The following BRIP1 variants were observed in gnomAD, a reference collection of about 807,000 sequenced individuals.
BRIP1 encodes BRCA1 interacting DNA helicase 1.
In BRIP1, 88 loss-of-function variants were observed where a neutral mutation model predicts 119.7. That is an observed-to-expected ratio of 0.74 (90% CI 0.62 to 0.88). The LOEUF is 0.88. Among genes scored for constraint, BRIP1 ranks in the 40% least tolerant of loss-of-function variants. The pLI is 0.00. For missense variants in BRIP1, 1,259 were observed against 1,455.4 expected, an observed-to-expected ratio of 0.87 and a Z score of 2.20; for synonymous variants, 443 against 496.5, an observed-to-expected ratio of 0.89 and a Z score of 1.43.
chr17:61,818,140 C>T (rs1385752136), intron 6 of BRIP1, among the ~76,000 whole-genome samples: 1 of 124,226 alleles, frequency 8.0e-6, no homozygotes, highest in South Asian at 2.5e-4. Flanking sequence ...ATCACTTGTG[C>T]TTGGGAGTTC....
rs1163303054 is a variant in BRIP1 at position 61,861,850 on chromosome 17, C to A, written c.-30-281G>T. Reference sequence around the variant, plus strand: ...CTCTAAGCCACAGTGACTGCATGTACCCCATAGGATTGTGGTAATGATTAA... The same window carrying A: ...CTCTAAGCCACAGTGACTGCATGTAACCCATAGGATTGTGGTAATGATTAA... On this transcript the variant is annotated intron_variant, in intron 1 of 19. Transcript: ENST00000259008. The surrounding 1 kb of genome is among the most constrained non-coding windows in gnomAD (Gnocchi z 4.5). The A allele has an allele frequency of 6.6e-6, 3 of 455,460 alleles. No individual in the cohort carries two copies. The highest frequency in any genetic ancestry group is 1.2e-5 in the Non-Finnish European group (3 of 247,862). The allele number at this position is 455,460 out of a possible 1,614,324, so 28.2% of individuals were successfully genotyped here. A position where few individuals can be genotyped will look rare whatever the true frequency, so the allele number is the denominator to read the frequency against.
In BRIP1 at chr17:61,704,670, A is replaced by G. The variant is rs562960099; in HGVS notation, c.2493-11158T>C. ...TGCTAGATAGCTATTCATGTTATCT[A>G]TTTCATCTTGGGTGAATTTTGGTAT... On this transcript the variant is annotated intron_variant, in intron 17 of 19. Transcript: ENST00000259008. This position sits in a 1 kb window ranked among gnomAD's most constrained non-coding sequence, Gnocchi z 5.7. Among the ~76,000 whole-genome samples, 64 of 152,218 alleles carry G rather than the reference A, an allele frequency of 4.2e-4. No homozygotes were observed. The highest frequency in any genetic ancestry group is 1.5e-3 in the African/African-American group (64 of 41,560).
chr17:61,776,686 G>A lies in BRIP1; in HGVS notation c.1936-124C>T. 5 of 1,062,830 alleles carry A rather than the reference G, an allele frequency of 4.7e-6. No individual in the cohort carries two copies. The allele number at this position is 1,062,830 out of a possible 1,614,324, so 65.8% of individuals were successfully genotyped here. A position where few individuals can be genotyped will look rare whatever the true frequency, so the allele number is the denominator to read the frequency against. On this transcript the variant is annotated intron_variant, in intron 13 of 19. Coordinates refer to ENST00000259008, the MANE Select transcript of BRIP1 (RefSeq NM_032043.3). The surrounding 1 kb of genome is among the most constrained non-coding windows in gnomAD (Gnocchi z 5.0). ...TTAACAATTTATTTTTAAATTGTCAGGGGGTTTTCTATTACCTTCAATTAA... is the reference window on the plus strand; with the variant it reads ...TTAACAATTTATTTTTAAATTGTCAAGGGGTTTTCTATTACCTTCAATTAA...
chr17:61,800,332 G>T (rs1477885682), intron 8 of BRIP1, among the ~76,000 whole-genome samples: 2 of 152,128 alleles, frequency 1.3e-5, no homozygotes, highest in Non-Finnish European at 2.9e-5. Flanking sequence ...TGGAAGAGTA[G>T]GAAATATATT....
chr17:61,819,500 T>A (rs764836482), intron 6 of BRIP1, among the ~76,000 whole-genome samples: 1 of 152,190 alleles, frequency 6.6e-6, no homozygotes, highest in Non-Finnish European at 1.5e-5. Flanking sequence ...AACAGATGAA[T>A]GAATGAAGAG....
rs1313581741 is a variant in BRIP1, at chr17:61,814,082, A to G, written c.628-5325T>C. ...AATAAAAAACACAAACTTTCAATTA[A>G]TAGACTCTTTAGAGCAAGAGTCAGC... On this transcript the variant is annotated intron_variant, in intron 6 of 19. Transcript: ENST00000259008. The surrounding 1 kb of genome is among the most constrained non-coding windows in gnomAD (Gnocchi z 4.9). 6.6e-6 allele frequency among the ~76,000 whole-genome samples: 1 copy of G among 152,144 alleles called. No homozygotes were observed. The highest frequency in any genetic ancestry group is 2.4e-5 in the African/African-American group (1 of 41,464).
chr17:61,808,890 G>C lies in BRIP1; in HGVS notation c.628-133C>G. On this transcript the variant is annotated intron_variant, in intron 6 of 19. Coordinates refer to ENST00000259008, the MANE Select transcript of BRIP1 (RefSeq NM_032043.3). The surrounding 1 kb of genome is among the most constrained non-coding windows in gnomAD (Gnocchi z 4.1). The stretch of plus-strand genomic sequence containing the variant: ...TAAAGAGAAATAACAAGAAATTATA[G>C]TATCTAAAACTTGCCATTAAAGAAA... 1 of 947,184 alleles carries C rather than the reference G, an allele frequency of 1.1e-6. No individual in the cohort carries two copies. 58.7% of individuals were successfully genotyped at this position (947,184 alleles called of 1,614,324 possible).
At chr17:61,694,174 C>T (rs1297636956) in intron 17 of BRIP1, among the ~76,000 whole-genome samples, 1 of 152,066 alleles carries the variant, frequency 6.6e-6, no homozygotes, top group Non-Finnish European at 1.5e-5. Flanking sequence ...ATAACCTATA[C>T]CACTTATCTA....
rs2076946402 is a variant in BRIP1 at position 61,738,413 on chromosome 17, T to A, written c.2379+4600A>T. On this transcript the variant is annotated intron_variant, in intron 16 of 19. Coordinates refer to ENST00000259008, the MANE Select transcript of BRIP1 (RefSeq NM_032043.3). This position sits in a 1 kb window ranked among gnomAD's most constrained non-coding sequence, Gnocchi z 4.2. Reference sequence around the variant, plus strand: ...TCTTGTGTCCACTCTACTTGTACCTTTTGGGAACCACTAGGGATAACCCTT... The same window carrying A: ...TCTTGTGTCCACTCTACTTGTACCTATTGGGAACCACTAGGGATAACCCTT... 3.3e-5 allele frequency among the ~76,000 whole-genome samples: 5 copies of A among 152,174 alleles called. No homozygotes were observed. The highest frequency in any genetic ancestry group is 3.3e-4 in the Admixed American group (5 of 15,266).
rs864622611 is a variant in BRIP1 at position 61,744,570 on chromosome 17, GTTCTT to G, written c.2114_2118del (p.Lys705ThrfsTer10). 1.9e-6 allele frequency: 3 copies of G among 1,613,288 alleles called. No individual in the cohort carries two copies. Among genetic ancestry groups the G allele is most frequent in the African/African-American group, 2.7e-5 (2 of 74,856 alleles). ...TGCCATAAACCAGTAGAGAGCCAAC[GTTCTT>G]TTAATTTTTCTAATAACTAAAGAGG... On this transcript the variant is annotated frameshift_variant, in exon 15 of 20. Transcript: ENST00000259008. LOFTEE classifies it high-confidence loss of function. This position sits in a 1 kb window ranked among gnomAD's most constrained non-coding sequence, Gnocchi z 5.0.
Position 61,713,575 on chromosome 17 carries a change from G to A in BRIP1, c.2492+2376C>T, listed in dbSNP as rs945355143. 4.0e-5 allele frequency among the ~76,000 whole-genome samples: 6 copies of A among 151,090 alleles called. No homozygotes were observed. Among genetic ancestry groups the A allele is most frequent in the African/African-American group, 1.5e-4 (6 of 40,994 alleles). On this transcript the variant is annotated intron_variant, in intron 17 of 19. Coordinates refer to ENST00000259008, the MANE Select transcript of BRIP1 (RefSeq NM_032043.3). This position sits in a 1 kb window ranked among gnomAD's most constrained non-coding sequence, Gnocchi z 4.9. ...CTCGCTCTGTCGCCCAGGCTGGAGT[G>A]CAGTGGGGTGATCTCGGCTCACTGC...
In BRIP1 at chr17:61,760,936, GA is replaced by G. The variant is rs1451810243; in HGVS notation, c.2097+15464del. On this transcript the variant is annotated intron_variant, in intron 14 of 19. Coordinates refer to ENST00000259008, the MANE Select transcript of BRIP1 (RefSeq NM_032043.3). This position sits in a 1 kb window ranked among gnomAD's most constrained non-coding sequence, Gnocchi z 4.6. ...CATTATCACCCTGATACCAAGGCCA[GA>G]TAAGGACAATACAAGAAAAGAAAAC... is the stretch of plus-strand genomic sequence containing the variant. Among the ~76,000 whole-genome samples the G allele has an allele frequency of 6.6e-6, 1 of 151,930 alleles. No homozygotes were observed. The highest frequency in any genetic ancestry group is 2.4e-5 in the African/African-American group (1 of 41,418).
intron 6 of BRIP1, 32 bp downstream of exon 6, chr17:61,847,069 C>A (rs573508790): frequency 6.2e-7 from 1 of 1,612,718 alleles, no homozygotes; most frequent in African/African-American, 1.3e-5. Context: ...TATCTTCCTT[C>A]TTTAAAACTG....
In BRIP1 at chr17:61,853,605, T is replaced by C. The variant is rs183722483; in HGVS notation, c.379+3453A>G. Among the ~76,000 whole-genome samples the C allele has an allele frequency of 1.2e-4, 18 of 152,306 alleles. No individual in the cohort carries two copies. The East Asian group carries it at 2.9e-3, about 24-fold the overall frequency. ...ATCAAGTTGTGTACATATGGATAAC[T>C]CATTGTTGATAAAGACACAAAGGCA... On this transcript the variant is annotated intron_variant, in intron 4 of 19. Coordinates refer to ENST00000259008, the MANE Select transcript of BRIP1 (RefSeq NM_032043.3). The surrounding 1 kb of genome is among the most constrained non-coding windows in gnomAD (Gnocchi z 4.3).
intron 6 of BRIP1, among the ~76,000 whole-genome samples, chr17:61,818,868 A>G (rs1363329583): frequency 6.6e-6 from 1 of 152,176 alleles, no homozygotes; most frequent in East Asian, 1.9e-4. Context: ...AACTACAATG[A>G]GATATAATTT....
In BRIP1 at chr17:61,832,887, C is replaced by T. The variant is rs2145631502; in HGVS notation, c.627+14214G>A. Among the ~76,000 whole-genome samples the T allele has an allele frequency of 6.6e-6, 1 of 152,264 alleles. No homozygotes were observed. The highest frequency in any genetic ancestry group is 1.9e-4 in the East Asian group (1 of 5,188). On this transcript the variant is annotated intron_variant, in intron 6 of 19. Transcript: ENST00000259008. The surrounding 1 kb of genome is among the most constrained non-coding windows in gnomAD (Gnocchi z 5.5). Reference sequence around the variant, plus strand: ...TATAAGAATGTCTTTGCTTATAAGACATAGACACTAAAGTATTTCAGGGTG... The same window carrying T: ...TATAAGAATGTCTTTGCTTATAAGATATAGACACTAAAGTATTTCAGGGTG...
chr17:61,833,670 C>CAAA (rs34789764), intron 6 of BRIP1, among the ~76,000 whole-genome samples: 2 of 121,176 alleles, frequency 1.7e-5, no homozygotes, highest in Admixed American at 8.3e-5. Context: ...GACTCCACCT[C>CAAA]AAAAAAAAAA....
Position 61,844,467 on chromosome 17 carries a change from G to C in BRIP1, c.627+2634C>G, listed in dbSNP as rs1361220967. Among the ~76,000 whole-genome samples the C allele has an allele frequency of 6.6e-6, 1 of 152,154 alleles. No individual in the cohort carries two copies. The highest frequency in any genetic ancestry group is 2.4e-5 in the African/African-American group (1 of 41,434). On this transcript the variant is annotated intron_variant, in intron 6 of 19. Transcript: ENST00000259008. This position sits in a 1 kb window ranked among gnomAD's most constrained non-coding sequence, Gnocchi z 4.7. The stretch of plus-strand genomic sequence containing the variant: ...TAGCTGGGCATGGTGTTGCACAGCT[G>C]TAGTCCTTGCTATTCAGGAGGCTGG...
chr17:61,759,759 T>C lies in BRIP1; in HGVS notation c.2098-15168A>G, dbSNP rs972964291. Among the ~76,000 whole-genome samples, 1 of 151,940 alleles carries C rather than the reference T, an allele frequency of 6.6e-6. No homozygotes were observed. Among genetic ancestry groups the C allele is most frequent in the African/African-American group, 2.4e-5 (1 of 41,388 alleles). ...GTGGCATTATGTCTAAAAAAATACA[T>C]ACCTTAATTTTAAAATACTTTATTG... On this transcript the variant is annotated intron_variant, in intron 14 of 19. Coordinates refer to ENST00000259008, the MANE Select transcript of BRIP1 (RefSeq NM_032043.3). The surrounding 1 kb of genome is among the most constrained non-coding windows in gnomAD (Gnocchi z 4.9).
Sources: allele counts gnomAD v4.1 joint callset (sites outside exome capture counted in the v4.1 genomes callset), GRCh38; gene constraint gnomAD v4.1.1; non-coding constraint Gnocchi (gnomAD v3.1); transcripts MANE v1.5; gene names NCBI Gene and HGNC (gene_info 2026-07-23, HGNC 2026-07-21).